Variants in ELMO1 observed in about 807,000 individuals in gnomAD.
ELMO1 encodes engulfment and cell motility 1.
In ELMO1, 26 loss-of-function variants were observed where a neutral mutation model predicts 98.9. That is an observed-to-expected ratio of 0.26 (90% CI 0.19 to 0.36). The LOEUF (loss-of-function observed/expected upper bound fraction) is 0.36, where lower values mean the gene tolerates loss of function less well. Ranked by LOEUF, ELMO1 falls within the 10% of genes least tolerant of loss-of-function variation. The pLI is 1.00. For missense variants in ELMO1, 627 were observed against 935.2 expected, an observed-to-expected ratio of 0.67 and a Z score of 4.30; for synonymous variants, 346 against 346.0, an observed-to-expected ratio of 1.00 and a Z score of 0.00.
At chr7:37,371,527 G>C (rs1425173223) in intron 1 of ELMO1, among the ~76,000 whole-genome samples, 10 of 152,066 alleles carry the variant, frequency 6.6e-5, no homozygotes, top group African/African-American at 2.4e-4. Flanking sequence ...CTTAAGCACA[G>C]TAACAAAATG....
intron 4 of ELMO1, among the ~76,000 whole-genome samples, chr7:37,276,482 G>C (rs1796840392): frequency 6.6e-6 from 1 of 152,070 alleles, no homozygotes; most frequent in South Asian, 2.1e-4. Context: ...GTGGTGGCAG[G>C]CGCCTGTAGT....
chr7:36,912,106 T>C (rs1697857595), intron 16 of ELMO1, among the ~76,000 whole-genome samples: 1 of 152,212 alleles, frequency 6.6e-6, no homozygotes, highest in South Asian at 2.1e-4. Flanking sequence ...TGTTCAGACA[T>C]ATAGTAATCT....
intron 1 of ELMO1, among the ~76,000 whole-genome samples, chr7:37,426,142 C>CTTTTTTTTTTTTTTTTTTTTTT (rs36086006): frequency 1.2e-5 from 1 of 84,594 alleles, no homozygotes; most frequent in Admixed American, 1.6e-4. Flanking sequence ...TTTTTTCTTT[C>CTTTTTTTTTTTTTTTTTTTTTT]TTTTTTTTTT....
intron 1 of ELMO1, among the ~76,000 whole-genome samples, chr7:37,411,935 G>C (rs1034928339): frequency 4.6e-5 from 7 of 152,092 alleles, no homozygotes; most frequent in African/African-American, 1.7e-4. Context: ...TTCAGTACAA[G>C]TACATATTTA....
chr7:37,187,756 T>C (rs1043094700), intron 13 of ELMO1, among the ~76,000 whole-genome samples: 2 of 152,210 alleles, frequency 1.3e-5, no homozygotes, highest in Admixed American at 6.5e-5. Flanking sequence ...AATTTGACTA[T>C]TTCAATTAAA....
intron 13 of ELMO1, among the ~76,000 whole-genome samples, chr7:37,165,064 G>T (rs1219050474): frequency 3.9e-5 from 6 of 152,262 alleles, no homozygotes; most frequent in Middle Eastern, 3.4e-3. Flanking sequence ...CCCTTGTAAG[G>T]TGGATTCTTA....
At chr7:37,328,405 A>AAAAAAAAAAAAAAAC (rs1799933490) in intron 2 of ELMO1, among the ~76,000 whole-genome samples, 1 of 145,152 alleles carries the variant, frequency 6.9e-6, no homozygotes, top group Non-Finnish European at 1.5e-5. Context: ...AAAAAAAAAA[A>AAAAAAAAAAAAAAAC]AAAGATGCTG....
chr7:36,958,204 C>T (rs1384222743), intron 16 of ELMO1, among the ~76,000 whole-genome samples: 1 of 152,074 alleles, frequency 6.6e-6, no homozygotes, highest in Non-Finnish European at 1.5e-5. Flanking sequence ...ATCCCCAGTA[C>T]CTCTTCTCTC....
chr7:37,304,919 ATG>A (rs1387986038), intron 4 of ELMO1, among the ~76,000 whole-genome samples: 5 of 152,202 alleles, frequency 3.3e-5, no homozygotes, highest in South Asian at 2.1e-4. Flanking sequence ...TTATTGGAAA[ATG>A]TGTCACCACA....
At chr7:37,301,630 G>A (rs72624215) in intron 4 of ELMO1, among the ~76,000 whole-genome samples, 9,550 of 135,618 alleles carry the variant, frequency 0.07, 358 homozygotes, top group South Asian at 0.15. Flanking sequence ...ATAAAGAATC[G>A]TTACTGCTTT....
At chr7:37,130,024 C>T (rs1237556436) in intron 14 of ELMO1, among the ~76,000 whole-genome samples, 1 of 152,180 alleles carries the variant, frequency 6.6e-6, no homozygotes, top group Non-Finnish European at 1.5e-5. Context: ...CTCTTCCCTT[C>T]ACCTAGTTAA....
At chr7:36,884,376 T>C (rs977428853) in intron 18 of ELMO1, among the ~76,000 whole-genome samples, 1 of 152,024 alleles carries the variant, frequency 6.6e-6, no homozygotes, top group African/African-American at 2.4e-5. Flanking sequence ...GCAAACATCA[T>C]TAATGAATGT....
At chr7:37,049,071 C>T (rs1471128271) in intron 15 of ELMO1, among the ~76,000 whole-genome samples, 2 of 152,104 alleles carry the variant, frequency 1.3e-5, no homozygotes, top group Non-Finnish European at 2.9e-5. Flanking sequence ...TTCTTTTTAA[C>T]TTGTTTTCTC....
intron 1 of ELMO1, among the ~76,000 whole-genome samples, chr7:37,446,151 T>C (rs1805603580): frequency 1.3e-5 from 2 of 152,218 alleles, no homozygotes; most frequent in Non-Finnish European, 2.9e-5. Flanking sequence ...TCCTGGTATA[T>C]TTCCCTGGTG....
At chr7:37,142,845 T>TAAC (rs1787725965) in intron 13 of ELMO1, among the ~76,000 whole-genome samples, 1 of 152,186 alleles carries the variant, frequency 6.6e-6, no homozygotes, top group Non-Finnish European at 1.5e-5. Flanking sequence ...TCTCTGAACC[T>TAAC]AATTCTAACA....
At chr7:37,379,331 G>C (rs564048486) in intron 1 of ELMO1, among the ~76,000 whole-genome samples, 12 of 152,036 alleles carry the variant, frequency 7.9e-5, no homozygotes, top group Admixed American at 7.2e-4. Flanking sequence ...GTGAGCCACC[G>C]CGCCCGGCCT....
chr7:37,319,638 C>T lies in ELMO1; in HGVS notation c.79-3678G>A, dbSNP rs190093558. Among the ~76,000 whole-genome samples the T allele has an allele frequency of 9.8e-5, 15 of 152,346 alleles. No homozygotes were observed. The East Asian group carries it at 2.3e-3, about 24-fold the overall frequency. On this transcript the variant is annotated intron_variant, in intron 2 of 21. Coordinates refer to ENST00000310758, the MANE Select transcript of ELMO1 (RefSeq NM_014800.11). Reference sequence around the variant, plus strand: ...ATCGTACCTTCCATCAGTTCCTACACTCAACTTGCCTACTTTCAGCAGATC... The same window carrying T: ...ATCGTACCTTCCATCAGTTCCTACATTCAACTTGCCTACTTTCAGCAGATC...
chr7:37,380,160 C>T (rs1175637982), intron 1 of ELMO1, among the ~76,000 whole-genome samples: 1 of 152,122 alleles, frequency 6.6e-6, no homozygotes. Context: ...ACCTTCAGTC[C>T]ATGTACAGAC....
chr7:37,321,773 A>C (rs6970456), intron 2 of ELMO1, among the ~76,000 whole-genome samples: 45,404 of 144,112 alleles, frequency 0.32, 7,974 homozygotes, highest in East Asian at 0.56. Flanking sequence ...CCAGGAGAAA[A>C]ATTAATTTAG....
Sources: allele counts gnomAD v4.1 joint callset (sites outside exome capture counted in the v4.1 genomes callset), GRCh38; gene constraint gnomAD v4.1.1; transcripts MANE v1.5; gene names NCBI Gene and HGNC (gene_info 2026-07-23, HGNC 2026-07-21).